Variants in SH3BP5 observed in about 807,000 individuals in gnomAD.
SH3BP5 encodes SH3 domain binding protein 5, also known as SH3 domain-binding protein 5.
SH3BP5 carries 22 observed loss-of-function variants against 43.3 expected under a neutral mutation model. The observed-to-expected ratio is 0.51, with a 90% CI of 0.36 to 0.73. The LOEUF is 0.73. SH3BP5 is among the 30% of genes least tolerant of loss of function. SH3BP5 has a pLI of 0.00. For synonymous variants in SH3BP5, 255 were observed against 225.8 expected (o/e 1.13, Z -1.16); for missense variants, 529 against 586.9 (o/e 0.90, Z 1.02).
chr3:15,267,933 C>G (rs1188142080), intron 4 of SH3BP5, among the ~76,000 whole-genome samples: 1 of 152,156 alleles, frequency 6.6e-6, no homozygotes, highest in African/African-American at 2.4e-5. Flanking sequence ...GGAAGAAGGG[C>G]AAAAAGGAAA....
At position 15,303,700 on chromosome 3, in the gene SH3BP5, A is replaced by G. The variant is rs550584792; in HGVS notation, c.330+403T>C. ...TGCCAAATCTTAAAAAGGAAAAAAA[A>G]AAAAAGAAAAAGAAGAAGAACCGAT... On this transcript the variant is annotated intron_variant, in intron 3 of 8. Coordinates refer to ENST00000383791, the MANE Select transcript of SH3BP5 (RefSeq NM_004844.5). Among the ~76,000 whole-genome samples the G allele has an allele frequency of 5.9e-5, 9 of 152,236 alleles. No homozygotes were observed. The East Asian group carries it at 1.2e-3, about 20-fold the overall frequency.
chr3:15,322,543 G>A (rs1698355889), intron 2 of SH3BP5, among the ~76,000 whole-genome samples: 1 of 152,154 alleles, frequency 6.6e-6, no homozygotes, highest in Admixed American at 6.5e-5. Context: ...GTCTGTCCAA[G>A]AACAGCCTGG....
chr3:15,326,121 T>C (rs754395229), intron 2 of SH3BP5, among the ~76,000 whole-genome samples: 21 of 152,156 alleles, frequency 1.4e-4, no homozygotes, highest in Non-Finnish European at 2.6e-4. Context: ...GGTTAAAAGG[T>C]TCCTCCTTTT....
intron 2 of SH3BP5, among the ~76,000 whole-genome samples, chr3:15,328,419 T>TAAAAA (rs56022759): frequency 0.017 from 2,450 of 140,200 alleles, 33 homozygotes; most frequent in South Asian, 0.073. Flanking sequence ...TCAATGCTTT[T>TAAAAA]AAAAAAAAAA....
rs114282427 is a variant in SH3BP5 at position 15,298,609 on chromosome 3, T to A, written c.330+5494A>T. 5.9e-5 allele frequency among the ~76,000 whole-genome samples: 9 copies of A among 152,356 alleles called. No homozygotes were observed. In the South Asian group the frequency reaches 1.9e-3, roughly 32 times the overall value. On this transcript the variant is annotated intron_variant, in intron 3 of 8. Coordinates refer to ENST00000383791, the MANE Select transcript of SH3BP5 (RefSeq NM_004844.5). ...ATGAATGGATAAATAAAACGTGGTA[T>A]ATACATTCAGTGAAAGGAAATTCTG...
At chr3:15,273,066 T>C (rs895513477) in intron 3 of SH3BP5, 1 of 907,180 alleles carries the variant, frequency 1.1e-6, no homozygotes, top group Middle Eastern at 5.7e-4. Context: ...AGAGGGAACC[T>C]GTCACCTTAA....
chr3:15,341,012 A>G (rs1348096305), intron 1 of SH3BP5, among the ~76,000 whole-genome samples: 1 of 152,176 alleles, frequency 6.6e-6, no homozygotes, highest in Non-Finnish European at 1.5e-5. Flanking sequence ...AGAGCACACC[A>G]CTGTGCTCCA....
intron 2 of SH3BP5, among the ~76,000 whole-genome samples, chr3:15,317,743 C>G (rs1698219775): frequency 6.6e-6 from 1 of 152,166 alleles, no homozygotes. Context: ...GAATGCAGAT[C>G]CCAGTCAAAC....
chr3:15,265,512 T>TCACACACACACACACACACACACACA lies in SH3BP5; in HGVS notation c.496-3249_496-3224dup, dbSNP rs368955496. Among the ~76,000 whole-genome samples the TCACACACACACACACACACACACACA allele has an allele frequency of 2.7e-3, 291 of 107,974 alleles. 6 individuals are homozygous for TCACACACACACACACACACACACACA. Among genetic ancestry groups the TCACACACACACACACACACACACACA allele is most frequent in the African/African-American group, 6.5e-3 (157 of 24,112 alleles). 70.8% of individuals were successfully genotyped at this position (107,974 alleles called of 152,430 possible). A position where few individuals can be genotyped will look rare whatever the true frequency, so the allele number is the denominator to read the frequency against. ...GCCTGAGCTACAGGGCGAGACTCCGTCACACACACACACACACACACACAC... is the reference window on the plus strand; with the variant it reads ...GCCTGAGCTACAGGGCGAGACTCCGTCACACACACACACACACACACACACACACACACACACACACACACACACAC... On this transcript the variant is annotated intron_variant, in intron 4 of 8. Coordinates refer to ENST00000383791, the MANE Select transcript of SH3BP5 (RefSeq NM_004844.5).
intron 3 of SH3BP5, among the ~76,000 whole-genome samples, chr3:15,274,112 G>A (rs1458063824): frequency 6.6e-6 from 1 of 152,020 alleles, no homozygotes; most frequent in Non-Finnish European, 1.5e-5. Flanking sequence ...TGGGTGTGGT[G>A]GCAGAAGTCT....
chr3:15,278,118 G>A (rs1697023156), intron 3 of SH3BP5, among the ~76,000 whole-genome samples: 1 of 152,246 alleles, frequency 6.6e-6, no homozygotes, highest in African/African-American at 2.4e-5. Flanking sequence ...CTCGATGGGG[G>A]CAACCACTTG....
chr3:15,281,765 G>A (rs1410460654), intron 3 of SH3BP5, among the ~76,000 whole-genome samples: 4 of 152,190 alleles, frequency 2.6e-5, no homozygotes, highest in African/African-American at 7.2e-5. Context: ...CACCTTGGGA[G>A]GCTGAGGCAG....
intron 1 of SH3BP5, among the ~76,000 whole-genome samples, chr3:15,337,902 G>A (rs1208232925): frequency 6.1e-5 from 7 of 114,112 alleles, no homozygotes; most frequent in African/African-American, 2.6e-4. Flanking sequence ...GTGACAGAGT[G>A]AGACCCTGAC....
intron 2 of SH3BP5, among the ~76,000 whole-genome samples, chr3:15,311,918 C>T (rs1173747073): frequency 6.6e-6 from 1 of 152,150 alleles, no homozygotes; most frequent in Non-Finnish European, 1.5e-5. Flanking sequence ...GATTCTCCTG[C>T]CTCGGCCTCC....
intron 3 of SH3BP5, among the ~76,000 whole-genome samples, chr3:15,294,663 C>T (rs1471015583): frequency 6.6e-6 from 1 of 152,088 alleles, no homozygotes; most frequent in Non-Finnish European, 1.5e-5. Flanking sequence ...AATGACAGCC[C>T]CCGCACAGAG....
At chr3:15,322,829 T>C (rs1268465449) in intron 2 of SH3BP5, among the ~76,000 whole-genome samples, 6 of 150,558 alleles carry the variant, frequency 4.0e-5, no homozygotes, top group Non-Finnish European at 4.4e-5. Context: ...AGACCAACAC[T>C]GTCTCAGGAA....
intron 3 of SH3BP5, among the ~76,000 whole-genome samples, chr3:15,274,966 G>A (rs927353599): frequency 3.3e-5 from 5 of 152,156 alleles, no homozygotes; most frequent in African/African-American, 1.2e-4. Flanking sequence ...ATCATCTCCC[G>A]CCAAGCCCCA....
intron 2 of SH3BP5, among the ~76,000 whole-genome samples, chr3:15,307,864 C>G (rs1197609082): frequency 6.6e-6 from 1 of 152,244 alleles, no homozygotes; most frequent in Non-Finnish European, 1.5e-5. Flanking sequence ...AGCGTGTGGC[C>G]TACAGCCGGT....
At chr3:15,272,591 A>AGATTCGATGATACCTCAGATCAAATTT (rs1559432717) in intron 3 of SH3BP5, among the ~76,000 whole-genome samples, 1 of 115,664 alleles carries the variant, frequency 8.6e-6, no homozygotes. Flanking sequence ...TGCCTGTAGG[A>AGATTCGATGATACCTCAGATCAAATTT]TAAAGACATT....
Sources: allele counts gnomAD v4.1 joint callset (sites outside exome capture counted in the v4.1 genomes callset), GRCh38; gene constraint gnomAD v4.1.1; transcripts MANE v1.5; gene names NCBI Gene and HGNC (gene_info 2026-07-23, HGNC 2026-07-21).